Variants in EPHA3 observed in about 807,000 individuals in gnomAD.
EPHA3 encodes ephrin type-A receptor 3.
In EPHA3, 42 loss-of-function variants were observed where a neutral mutation model predicts 107.1. The observed-to-expected ratio is 0.39, with a 90% confidence interval of 0.31 to 0.51. The LOEUF is 0.51. Among genes scored for constraint, EPHA3 ranks in the 20% least tolerant of loss-of-function variants. The pLI, the probability that EPHA3 is intolerant of heterozygous loss-of-function variation, is 0.78. For missense variants in EPHA3, 1,183 were observed against 1,211.2 expected (o/e 0.98, Z 0.35); for synonymous variants, 461 against 424.8 (o/e 1.09, Z -1.05).
chr3:89,456,726 G>A (rs1405766474), intron 15 of EPHA3, among the ~76,000 whole-genome samples: 1 of 152,104 alleles, frequency 6.6e-6, no homozygotes, highest in African/African-American at 2.4e-5. Context: ...GGGAAGGACA[G>A]TTACATTAAA....
At chr3:89,109,951 G>A (rs2106937048) in intron 1 of EPHA3, among the ~76,000 whole-genome samples, 1 of 152,046 alleles carries the variant, frequency 6.6e-6, no homozygotes, top group East Asian at 1.9e-4. Flanking sequence ...ACTTGAGTGA[G>A]ATTTTAAATA....
chr3:89,423,234 T>C (rs1445296977), intron 11 of EPHA3, among the ~76,000 whole-genome samples: 1 of 151,440 alleles, frequency 6.6e-6, no homozygotes, highest in African/African-American at 2.4e-5. Flanking sequence ...TTGAGGAATG[T>C]CATGGGCAGA....
chr3:89,276,368 A>G (rs1258480408), intron 3 of EPHA3, among the ~76,000 whole-genome samples: 1 of 152,074 alleles, frequency 6.6e-6, no homozygotes, highest in African/African-American at 2.4e-5. Flanking sequence ...TTATTGATCA[A>G]ACCTGTCACT....
intron 3 of EPHA3, among the ~76,000 whole-genome samples, chr3:89,223,911 T>C (rs549480048): frequency 3.5e-4 from 53 of 152,292 alleles, no homozygotes; most frequent in African/African-American, 1.2e-3. Context: ...ATCATTATAA[T>C]TTGTAATCTT....
chr3:89,178,185 AC>A (rs1417137287), intron 2 of EPHA3, among the ~76,000 whole-genome samples: 4 of 152,222 alleles, frequency 2.6e-5, no homozygotes, highest in Non-Finnish European at 5.9e-5. Context: ...TGATTCTAAA[AC>A]AAATATTTAC....
At chr3:89,445,153 C>G (rs865795341) in intron 13 of EPHA3, among the ~76,000 whole-genome samples, 1 of 152,076 alleles carries the variant, frequency 6.6e-6, no homozygotes, top group African/African-American at 2.4e-5. Flanking sequence ...CTAATCCCAG[C>G]TACTAAGGAG....
intron 1 of EPHA3, among the ~76,000 whole-genome samples, chr3:89,116,739 A>C (rs1270474450): frequency 1.7e-5 from 2 of 120,402 alleles, no homozygotes; most frequent in African/African-American, 3.0e-5. Context: ...AAAAAAAAAA[A>C]AACTAATGTG....
intron 2 of EPHA3, among the ~76,000 whole-genome samples, chr3:89,197,460 AT>A (rs1705864702): frequency 6.6e-6 from 1 of 151,640 alleles, no homozygotes; most frequent in African/African-American, 2.4e-5. Flanking sequence ...AAAAAAACTT[AT>A]TTTTATTAAA....
At chr3:89,291,225 C>T (rs889210799) in intron 3 of EPHA3, among the ~76,000 whole-genome samples, 1 of 152,132 alleles carries the variant, frequency 6.6e-6, no homozygotes, top group African/African-American at 2.4e-5. Flanking sequence ...TCTAGTTTAT[C>T]TTTGGAGTTC....
intron 3 of EPHA3, among the ~76,000 whole-genome samples, chr3:89,311,562 A>G (rs936851738): frequency 2.6e-5 from 4 of 152,092 alleles, no homozygotes; most frequent in African/African-American, 9.6e-5. Flanking sequence ...AGATATTTTC[A>G]GAATTTTGAG....
chr3:89,453,077 G>T (rs1372450343), intron 15 of EPHA3, among the ~76,000 whole-genome samples: 1 of 152,036 alleles, frequency 6.6e-6, no homozygotes, highest in Admixed American at 6.6e-5. Flanking sequence ...CACAGAGACT[G>T]TATAGACTCT....
At chr3:89,455,697 A>G (rs953916578) in intron 15 of EPHA3, among the ~76,000 whole-genome samples, 2 of 152,180 alleles carry the variant, frequency 1.3e-5, no homozygotes, top group African/African-American at 4.8e-5. Context: ...TCAGAAAACA[A>G]AAGCATTTCA....
At chr3:89,384,776 G>A (rs558871395) in intron 5 of EPHA3, among the ~76,000 whole-genome samples, 1 of 152,194 alleles carries the variant, frequency 6.6e-6, no homozygotes, top group East Asian at 1.9e-4. Flanking sequence ...TAAGCACTAG[G>A]CTGAAAGATG....
intron 14 of EPHA3, among the ~76,000 whole-genome samples, chr3:89,449,782 A>G (rs1401476227): frequency 2.0e-5 from 3 of 152,180 alleles, no homozygotes; most frequent in African/African-American, 2.4e-5. Flanking sequence ...GGAAGGCACC[A>G]TTTGAACTGC....
chr3:89,275,934 C>T (rs529886232), intron 3 of EPHA3, among the ~76,000 whole-genome samples: 1 of 152,078 alleles, frequency 6.6e-6, no homozygotes, highest in East Asian at 1.9e-4. Flanking sequence ...CCATATTTTT[C>T]ATAACCCAGG....
intron 5 of EPHA3, among the ~76,000 whole-genome samples, chr3:89,346,720 A>C (rs1317919864): frequency 1.3e-5 from 2 of 150,246 alleles, no homozygotes; most frequent in Admixed American, 1.3e-4. Flanking sequence ...GGTATTGCCT[A>C]GGTTTTCTTC....
chr3:89,208,604 AGG>A (rs1706185845), intron 2 of EPHA3, among the ~76,000 whole-genome samples: 2 of 93,658 alleles, frequency 2.1e-5, no homozygotes, highest in African/African-American at 2.8e-5. Context: ...GAAGGAAGGA[AGG>A]AAAGAAGGAA....
At chr3:89,178,747 G>A (rs1705372770) in intron 2 of EPHA3, among the ~76,000 whole-genome samples, 2 of 151,636 alleles carry the variant, frequency 1.3e-5, no homozygotes, top group South Asian at 4.1e-4. Context: ...AGCATTTTGA[G>A]TCCATAACTT....
chr3:89,349,808 C>A (rs1358816466), intron 5 of EPHA3, among the ~76,000 whole-genome samples: 14 of 148,870 alleles, frequency 9.4e-5, no homozygotes, highest in Non-Finnish European at 1.8e-4. Context: ...TTAGGGCAGG[C>A]CTGGTGGTGA....
Sources: allele counts gnomAD v4.1 joint callset (sites outside exome capture counted in the v4.1 genomes callset), GRCh38; gene constraint gnomAD v4.1.1; transcripts MANE v1.5; gene names NCBI Gene and HGNC (gene_info 2026-07-23, HGNC 2026-07-21).